POU6F2: variants seen among roughly 807,000 people sequenced by gnomAD.
The protein encoded by POU6F2 is POU domain, class 6, transcription factor 2.
Under a neutral mutation model 71.3 loss-of-function variants are expected in POU6F2, and 31 were observed. That is an observed-to-expected ratio of 0.43 (90% CI 0.33 to 0.59). POU6F2 has a LOEUF of 0.59. Ranked by LOEUF, POU6F2 falls within the 20% of genes least tolerant of loss-of-function variation. POU6F2 has a pLI of 0.04. For missense variants in POU6F2, 783 were observed against 856.8 expected (o/e 0.91, Z 1.07); for synonymous variants, 347 against 355.7 (o/e 0.98, Z 0.27).
At chr7:39,334,513 TA>T (rs398066804) in intron 4 of POU6F2, among the ~76,000 whole-genome samples, 527 of 143,396 alleles carry the variant, frequency 3.7e-3, no homozygotes, top group African/African-American at 8.9e-3. Context: ...TTTGAAAAAT[TA>T]AAAAAAAAAA....
At chr7:39,178,145 T>G (rs1326331405) in intron 2 of POU6F2, among the ~76,000 whole-genome samples, 1 of 152,050 alleles carries the variant, frequency 6.6e-6, no homozygotes, top group Non-Finnish European at 1.5e-5. Flanking sequence ...TCCCAGCTAC[T>G]CGGGAGGCTG....
intron 2 of POU6F2, among the ~76,000 whole-genome samples, chr7:39,087,356 A>G (rs1584536183): frequency 1.3e-5 from 2 of 152,134 alleles, no homozygotes. Context: ...TGGGTACAAT[A>G]CTGTTTTATG....
chr7:38,993,822 G>A (rs1788669465), intron 1 of POU6F2, among the ~76,000 whole-genome samples: 1 of 152,144 alleles, frequency 6.6e-6, no homozygotes. Flanking sequence ...CGGAGCACTG[G>A]CCTCTTGCTG....
chr7:39,231,142 G>A (rs1794566879), intron 4 of POU6F2, among the ~76,000 whole-genome samples: 1 of 152,140 alleles, frequency 6.6e-6, no homozygotes, highest in Admixed American at 6.5e-5. Context: ...TTGGATCAAA[G>A]AACTAATGTT....
At chr7:39,056,178 A>G (rs1790513967) in intron 1 of POU6F2, among the ~76,000 whole-genome samples, 1 of 152,048 alleles carries the variant, frequency 6.6e-6, no homozygotes, top group Non-Finnish European at 1.5e-5. Context: ...CTATTTCTCA[A>G]TTCCAGAAAG....
In POU6F2 at chr7:39,464,744, G is replaced by T; in HGVS notation, c.*58G>T. On this transcript the variant is annotated 3_prime_UTR_variant, in exon 10 of 10. Coordinates refer to ENST00000518318, the MANE Select transcript of POU6F2 (RefSeq NM_001370959.1). This position sits in a 1 kb window ranked among gnomAD's most constrained non-coding sequence, Gnocchi z 4.1. Reference sequence around the variant, plus strand: ...CACAGAAACTAAACTCCACCCTTGGGACTCCACAACAACAACAACAACAAA... The same window carrying T: ...CACAGAAACTAAACTCCACCCTTGGTACTCCACAACAACAACAACAACAAA... The T allele has an allele frequency of 6.0e-6, 9 of 1,496,282 alleles. No individual in the cohort carries two copies. The highest frequency in any genetic ancestry group is 6.2e-6 in the Non-Finnish European group (7 of 1,121,402). 92.7% of individuals were successfully genotyped at this position (1,496,282 alleles called of 1,614,324 possible). A position where few individuals can be genotyped will look rare whatever the true frequency, so the allele number is the denominator to read the frequency against.
At position 39,268,209 on chromosome 7, in the gene POU6F2, G is replaced by A. The variant is rs549312946; in HGVS notation, c.598+60589G>A. Among the ~76,000 whole-genome samples the A allele has an allele frequency of 2.0e-5, 3 of 152,268 alleles. No individual in the cohort carries two copies. The South Asian group carries it at 6.2e-4, about 32-fold the overall frequency. On this transcript the variant is annotated intron_variant, in intron 4 of 9. Transcript: ENST00000518318. ...CCAGATTGACTGTGATTTTGTTGCT[G>A]CTGTAAAGTCCATCAAAGATAATGG...
intron 6 of POU6F2, among the ~76,000 whole-genome samples, chr7:39,423,854 T>C (rs1295520890): frequency 1.3e-5 from 2 of 152,344 alleles, no homozygotes; most frequent in Non-Finnish European, 2.9e-5. Context: ...GAGAACTACT[T>C]TGTATCCCTA....
chr7:39,002,366 G>A (rs535207187), intron 1 of POU6F2, among the ~76,000 whole-genome samples: 6 of 151,856 alleles, frequency 4.0e-5, no homozygotes, highest in African/African-American at 9.7e-5. Flanking sequence ...TGTTGTTTTC[G>A]AGACAGGGTC....
chr7:39,257,145 T>C (rs958155207), intron 4 of POU6F2, among the ~76,000 whole-genome samples: 6 of 152,174 alleles, frequency 3.9e-5, no homozygotes, highest in Non-Finnish European at 8.8e-5. Context: ...CGCATACATT[T>C]ATATTTTGGG....
At chr7:39,027,603 C>A (rs1459516751) in intron 1 of POU6F2, among the ~76,000 whole-genome samples, 4 of 152,168 alleles carry the variant, frequency 2.6e-5, no homozygotes, top group Non-Finnish European at 5.9e-5. Flanking sequence ...TCAAGGAGTT[C>A]CGTGATTAAG....
In POU6F2 at chr7:39,460,536, C is replaced by T. The variant is rs1330267954; in HGVS notation, c.1490-11C>T. On this transcript the variant is annotated splice_polypyrimidine_tract_variant and intron_variant, in intron 8 of 9. Transcript: ENST00000518318. This position sits in a 1 kb window ranked among gnomAD's most constrained non-coding sequence, Gnocchi z 4.4. ...GACGTATTGATCCTATTTTTAAAAA[C>T]ATCTCCACAGATCCTCAAACGGCAG... 1.2e-6 allele frequency: 2 copies of T among 1,612,674 alleles called. No homozygotes were observed. The highest frequency in any genetic ancestry group is 2.2e-5 in the East Asian group (1 of 44,850).
chr7:39,124,059 T>TC lies in POU6F2; in HGVS notation c.277+38028_277+38029insC, dbSNP rs199855589. On this transcript the variant is annotated intron_variant, in intron 2 of 9. Coordinates refer to ENST00000518318, the MANE Select transcript of POU6F2 (RefSeq NM_001370959.1). ...TCCATAGACTGGGCCTTTTTTTTTT[T>TC]TTTTTGAGACAGAGTCTTGCTCTGT... Among the ~76,000 whole-genome samples, 961 of 150,798 alleles carry TC rather than the reference T, an allele frequency of 6.4e-3. 13 individuals are homozygous for TC. The highest frequency in any genetic ancestry group is 0.022 in the African/African-American group (883 of 40,994).
intron 4 of POU6F2, among the ~76,000 whole-genome samples, chr7:39,326,927 T>C (rs1319303035): frequency 6.6e-6 from 1 of 152,166 alleles, no homozygotes. Flanking sequence ...ATTTTGTATT[T>C]CTTTCTCCTT....
intron 1 of POU6F2, among the ~76,000 whole-genome samples, chr7:39,079,587 T>C (rs1027213364): frequency 1.3e-5 from 2 of 152,166 alleles, no homozygotes. Flanking sequence ...AAACAAGCAA[T>C]ATCCATGGGG....
chr7:39,280,148 G>T (rs1784534899), intron 4 of POU6F2, among the ~76,000 whole-genome samples: 1 of 152,116 alleles, frequency 6.6e-6, no homozygotes, highest in Admixed American at 6.5e-5. Flanking sequence ...TTCCAAGTAA[G>T]GTCACACTCT....
At chr7:39,143,324 A>G (rs770022285) in intron 2 of POU6F2, among the ~76,000 whole-genome samples, 166 of 152,330 alleles carry the variant, frequency 1.1e-3, no homozygotes, top group Non-Finnish European at 9.3e-4. Context: ...TTCCGTATAC[A>G]GAGCTCACCT....
chr7:38,991,078 T>C (rs775390808), intron 1 of POU6F2, among the ~76,000 whole-genome samples: 3 of 152,128 alleles, frequency 2.0e-5, no homozygotes, highest in Non-Finnish European at 4.4e-5. Flanking sequence ...TGCTGCCCCC[T>C]GGTTATTTGC....
chr7:39,301,188 T>C (rs758771760), intron 4 of POU6F2, among the ~76,000 whole-genome samples: 16 of 152,200 alleles, frequency 1.1e-4, no homozygotes, highest in Non-Finnish European at 2.2e-4. Context: ...AATTGATGCA[T>C]TTCTAGAAGT....
Sources: allele counts gnomAD v4.1 joint callset (sites outside exome capture counted in the v4.1 genomes callset), GRCh38; gene constraint gnomAD v4.1.1; non-coding constraint Gnocchi (gnomAD v3.1); transcripts MANE v1.5; gene names NCBI Gene and HGNC (gene_info 2026-07-23, HGNC 2026-07-21).